The following TMEM207 variants were observed in gnomAD, a reference collection of about 807,000 sequenced individuals.
The protein encoded by TMEM207 is transmembrane protein 207, also known as SRSR846.
A neutral mutation model predicts 17.4 loss-of-function variants in TMEM207; 15 were observed. The observed-to-expected ratio is 0.86, with a 90% CI of 0.58 to 1.33. TMEM207 has a LOEUF of 1.33. TMEM207 is among the 40% of genes most tolerant of loss of function. TMEM207 has a pLI of 0.00. For synonymous variants in TMEM207, 70 were observed against 65.6 expected, an observed-to-expected ratio of 1.07 and a Z score of -0.33; for missense variants, 205 against 173.8, an observed-to-expected ratio of 1.18 and a Z score of -1.01.
intron 4 of TMEM207, among the ~76,000 whole-genome samples, chr3:190,433,487 C>G (rs750605094): frequency 6.6e-6 from 1 of 152,114 alleles, no homozygotes; most frequent in Non-Finnish European, 1.5e-5. Flanking sequence ...ATTTATTTTA[C>G]CCTATCATAA....
At chr3:190,443,778 G>A (rs2108538111) in intron 2 of TMEM207, among the ~76,000 whole-genome samples, 1 of 152,262 alleles carries the variant, frequency 6.6e-6, no homozygotes, top group Middle Eastern at 3.4e-3. Context: ...TTCAGTATAG[G>A]AAAGGTTATA....
At chr3:190,432,934 C>T (rs1031237325) in intron 4 of TMEM207, among the ~76,000 whole-genome samples, 2 of 152,152 alleles carry the variant, frequency 1.3e-5, no homozygotes, top group African/African-American at 2.4e-5. Flanking sequence ...GGTGTCACCT[C>T]GGGCTTCACC....
In TMEM207 at chr3:190,429,274, A is replaced by C. The variant is rs1719637523; in HGVS notation, c.*321T>G. On this transcript the variant is annotated 3_prime_UTR_variant, in exon 5 of 5. Transcript: ENST00000354905. ...CAGAAAATGGTGTGCTGTATACTGC[A>C]GTGGAGTCCTAAATGTGATGGAAAC... 3.7e-6 allele frequency: 1 copy of C among 272,094 alleles called. No homozygotes were observed. The allele number at this position is 272,094 out of a possible 1,614,324, so 16.9% of individuals were successfully genotyped here.
intron 2 of TMEM207, among the ~76,000 whole-genome samples, chr3:190,446,694 C>T (rs551678668): frequency 1.3e-5 from 2 of 152,218 alleles, no homozygotes; most frequent in South Asian, 2.1e-4. Context: ...CCTCAGCTAC[C>T]GCTAAAGTCA....
chr3:190,441,450 C>A lies in TMEM207; in HGVS notation c.146G>T (p.Gly49Val). Residue 49 changes from glycine (G) to valine (V), a missense_variant, in exon 3 of 5, where the codon GGC becomes GTC. Gly to Val is a moderately radical substitution (Grantham distance 109). Transcript: ENST00000354905. ...AAGATATCCTTACCAGATATACCAG[C>A]CATTAGGGTGTTGGTCATTATAATT... Reference protein sequence around the residue: ...CVNYNDQHPNGWYIWILLLLV... With the variant: ...CVNYNDQHPNVWYIWILLLLV... 6.2e-7 allele frequency: 1 copy of A among 1,611,958 alleles called. No individual in the cohort carries two copies. Among genetic ancestry groups the A allele is most frequent in the Non-Finnish European group, 8.5e-7 (1 of 1,178,620 alleles).
intron 2 of TMEM207, among the ~76,000 whole-genome samples, chr3:190,445,762 G>C (rs566763202): frequency 6.6e-6 from 1 of 152,180 alleles, no homozygotes; most frequent in Non-Finnish European, 1.5e-5. Flanking sequence ...CCCACCTCAG[G>C]TGATCCACCC....
intron 4 of TMEM207, among the ~76,000 whole-genome samples, chr3:190,436,132 C>T (rs886442906): frequency 5.9e-5 from 9 of 151,926 alleles, no homozygotes; most frequent in African/African-American, 1.7e-4. Flanking sequence ...TCAGAAGAGC[C>T]GAGCTATTTC....
chr3:190,432,528 ATGAAAATCTG>A (rs1429996758), intron 4 of TMEM207, among the ~76,000 whole-genome samples: 1 of 152,242 alleles, frequency 6.6e-6, no homozygotes, highest in Non-Finnish European at 1.5e-5. Flanking sequence ...ATGTCTTTCC[ATGAAAATCTG>A]TGAATGAAAT....
chr3:190,432,983 A>G (rs1402357919), intron 4 of TMEM207, among the ~76,000 whole-genome samples: 2 of 152,164 alleles, frequency 1.3e-5, no homozygotes, highest in Non-Finnish European at 2.9e-5. Context: ...CCTCATTAGG[A>G]AGCCTTGTCA....
chr3:190,447,956 A>G (rs989289254), intron 1 of TMEM207, 129 bp from the exon 2 acceptor site: 1 of 763,932 alleles, frequency 1.3e-6, no homozygotes, highest in African/African-American at 1.8e-5. Flanking sequence ...GCTCTATAGC[A>G]GAGTTTATTG....
At chr3:190,442,775 C>T (rs1049322816) in intron 2 of TMEM207, among the ~76,000 whole-genome samples, 1 of 151,944 alleles carries the variant, frequency 6.6e-6, no homozygotes, top group South Asian at 2.1e-4. Flanking sequence ...GACATACTTA[C>T]AAGGGAATAT....
At chr3:190,441,058 A>G (rs1034836984) in intron 3 of TMEM207, among the ~76,000 whole-genome samples, 2 of 151,972 alleles carry the variant, frequency 1.3e-5, no homozygotes, top group African/African-American at 4.8e-5. Context: ...GACAGAGCAA[A>G]ACTGTGTCTC....
chr3:190,443,199 T>A (rs1719972469), intron 2 of TMEM207, among the ~76,000 whole-genome samples: 1 of 151,542 alleles, frequency 6.6e-6, no homozygotes, highest in Admixed American at 6.6e-5. Context: ...AATTGTGACA[T>A]CTAAGCTCAT....
Position 190,449,840 on chromosome 3 carries a change from T to C in TMEM207, c.-31A>G. ...AAGGACAGTCAACTTAGGATAGTGG[T>C]TTGGTGCCTGTGTTTATTTCCTTCT... On this transcript the variant is annotated 5_prime_UTR_variant, in exon 1 of 5. Coordinates refer to ENST00000354905, the MANE Select transcript of TMEM207 (RefSeq NM_207316.3). 3.8e-6 allele frequency: 6 copies of C among 1,595,756 alleles called. No individual in the cohort carries two copies. Among genetic ancestry groups the C allele is most frequent in the Non-Finnish European group, 5.2e-6 (6 of 1,163,446 alleles).
At chr3:190,441,384 A>C in intron 3 of TMEM207, 54 bp downstream of exon 3, 1 of 1,407,230 alleles carries the variant, frequency 7.1e-7, no homozygotes, top group Non-Finnish European at 1.0e-6. Context: ...TATTTAGGAC[A>C]AAGACTGTAT....
In TMEM207 at chr3:190,447,821, G is replaced by A; in HGVS notation, c.82C>T (p.Leu28Phe). The A allele has an allele frequency of 6.2e-7, 1 of 1,612,282 alleles. No individual in the cohort carries two copies. Among genetic ancestry groups the A allele is most frequent in the Non-Finnish European group, 8.5e-7 (1 of 1,179,204 alleles). ...ILCLPLFQLV[L>F]SDLPCEEDEM... ...TCTTCTTCGCATGGTAGGTCCGAGA[G>A]CACCAACTGAAACACATGTTTAGAA... Residue 28 changes from leucine to phenylalanine, a missense_variant, in exon 2 of 5, where the codon CTC becomes TTC. Leu to Phe is a conservative substitution (Grantham distance 22). Coordinates refer to ENST00000354905, the MANE Select transcript of TMEM207 (RefSeq NM_207316.3).
chr3:190,445,190 A>G (rs888182843), intron 2 of TMEM207, among the ~76,000 whole-genome samples: 1 of 152,210 alleles, frequency 6.6e-6, no homozygotes. Flanking sequence ...GTGGTATATC[A>G]TTAGAAAATC....
At chr3:190,444,630 T>C (rs140221807) in intron 2 of TMEM207, among the ~76,000 whole-genome samples, 106 of 152,328 alleles carry the variant, frequency 7.0e-4, no homozygotes, top group African/African-American at 2.4e-3. Context: ...ACTGTAGATC[T>C]GACTTAAGCT....
At chr3:190,432,934 C>A (rs1031237325) in intron 4 of TMEM207, among the ~76,000 whole-genome samples, 6 of 152,152 alleles carry the variant, frequency 3.9e-5, no homozygotes, top group Non-Finnish European at 2.9e-5. Flanking sequence ...GGTGTCACCT[C>A]GGGCTTCACC....
Sources: gnomAD v4.1 joint callset for allele counts (sites outside exome capture counted in the v4.1 genomes callset) on GRCh38, gnomAD v4.1.1 for gene constraint, MANE v1.5 for transcripts, NCBI Gene and HGNC (gene_info 2026-07-23, HGNC 2026-07-21) for gene names.